MUC3A: variants seen among roughly 807,000 people sequenced by gnomAD.
MUC3A encodes mucin 3A, cell surface associated.
MUC3A carries 109 observed loss-of-function variants against 109.0 expected under a neutral mutation model. The observed-to-expected ratio is 1.00, with a 90% CI of 0.86 to 1.17. The LOEUF (loss-of-function observed/expected upper bound fraction) is 1.17, where lower values mean the gene tolerates loss of function less well. Among genes scored for constraint, MUC3A ranks in the 50% most tolerant of loss-of-function variants. The pLI, the probability that MUC3A is intolerant of heterozygous loss-of-function variation, is 0.00. For synonymous variants in MUC3A, 1,398 were observed against 981.4 expected, an observed-to-expected ratio of 1.42 and a Z score of -7.93; for missense variants, 3,537 against 2,469.4, an observed-to-expected ratio of 1.43 and a Z score of -9.16.
chr7:100,961,086 C>T (rs1478900633), intron 3 of MUC3A, 149 bp downstream of exon 3: 9 of 1,516,792 alleles, frequency 5.9e-6, no homozygotes, highest in Middle Eastern at 1.8e-4. Flanking sequence ...CCTCCGCTGC[C>T]CTGTGTCATG....
Position 100,960,225 on chromosome 7 carries a change from C to A in MUC3A, c.8446C>A (p.Pro2816Thr), listed in dbSNP as rs763050833. Reference protein sequence around the residue: ...FPFTTEMVTCPTSISIQTTLT... With the variant: ...FPFTTEMVTCTTSISIQTTLT... ...CTTTACTACCGAAATGGTCACCTGT[C>A]CTACCTCCATCAGTATCCAAACTAC... is the stretch of plus-strand genomic sequence containing the variant. Residue 2816 changes from proline (P) to threonine (T), a missense_variant, in exon 2 of 12, where the codon CCT becomes ACT. Transcript: ENST00000379458. 1 of 1,598,078 alleles carries A rather than the reference C, an allele frequency of 6.3e-7. No individual in the cohort carries two copies. Among genetic ancestry groups the A allele is most frequent in the South Asian group, 1.1e-5 (1 of 91,048 alleles).
intron 10 of MUC3A, 60 bp downstream of exon 10, chr7:100,966,803 G>A (rs1209165413): frequency 6.3e-7 from 1 of 1,598,450 alleles, no homozygotes; most frequent in Non-Finnish European, 8.5e-7. Flanking sequence ...TGCGAGGACA[G>A]ACGCCCTCCC....
Position 100,966,454 on chromosome 7 carries a change from TG to T in MUC3A, c.9682del (p.Val3228SerfsTer4). 7.4e-7 allele frequency: 1 copy of T among 1,346,184 alleles called. No individual in the cohort carries two copies. Among genetic ancestry groups the T allele is most frequent in the Non-Finnish European group, 9.5e-7 (1 of 1,056,840 alleles). 83.4% of individuals were successfully genotyped at this position (1,346,184 alleles called of 1,614,324 possible). ...RCEVAVHWRA[L>X]VGGLTAGAAL... ...GAGGTGGCCGTCCACTGGAGGGCGC[TG>T]GTCGGGGGCCTGACGGCCGGCGCCG... On this transcript the variant is annotated frameshift_variant, in exon 9 of 12. Coordinates refer to ENST00000379458, the MANE Select transcript of MUC3A (RefSeq NM_005960.2). LOFTEE classifies it high-confidence loss of function.
chr7:100,963,002 T>C (rs1354823815), intron 3 of MUC3A, 149 bp from the exon 4 acceptor site: 11 of 821,020 alleles, frequency 1.3e-5, no homozygotes, highest in Admixed American at 2.5e-5. Flanking sequence ...CATCCTGGAA[T>C]TCCTACATCT....
chr7:100,961,033 G>T, intron 3 of MUC3A, 96 bp downstream of exon 3: 2 of 1,578,646 alleles, frequency 1.3e-6, no homozygotes, highest in Non-Finnish European at 8.5e-7. Context: ...AGGCACCCAT[G>T]CCTTTTTGCC....
Position 100,964,711 on chromosome 7 carries a change from G to T in MUC3A, c.9250G>T (p.Val3084Leu). Residue 3084 changes from valine to leucine, a missense_variant, in exon 6 of 12, where the codon GTG becomes TTG. Physicochemically the swap from Val to Leu is conservative, Grantham distance 32. Coordinates refer to ENST00000379458, the MANE Select transcript of MUC3A (RefSeq NM_005960.2). Reference sequence around the variant, plus strand: ...ACCCCTCAGGAATGGCAGCATCGTGGTGGACTACCTGGTCCTGCTGGAGAT... The same window carrying T: ...ACCCCTCAGGAATGGCAGCATCGTGTTGGACTACCTGGTCCTGCTGGAGAT... The part of the protein sequence containing the change: ...ILSLRNGSIV[V>L]DYLVLLEMPF... The T allele has an allele frequency of 6.3e-7, 1 of 1,598,350 alleles. No homozygotes were observed. Among genetic ancestry groups the T allele is most frequent in the Non-Finnish European group, 8.5e-7 (1 of 1,179,678 alleles).
rs28420153 is a variant in MUC3A at position 100,960,905 on chromosome 7, G to C, written c.9020G>C (p.Ser3007Thr). The change falls in exon 3 of 12, where the codon AGT (serine) becomes ACT (threonine). Residue 3007 changes from serine (S) to threonine (T), a missense_variant. By Grantham distance (58) the Ser-to-Thr change is moderately conservative. Coordinates refer to ENST00000379458, the MANE Select transcript of MUC3A (RefSeq NM_005960.2). ...TGCCCCAGCACCTTCTATGGTTCCA[G>C]TTGTGAGTTTGCTGTGGAACAGGTG... ...CQCPSTFYGS[S>T]CEFAVEQVDL... The C allele has an allele frequency of 6.3e-7, 1 of 1,598,412 alleles. No homozygotes were observed. Among genetic ancestry groups the C allele is most frequent in the Non-Finnish European group, 8.5e-7 (1 of 1,179,818 alleles).
At chr7:100,963,077 TTG>T in intron 3 of MUC3A, 72 bp from the exon 4 acceptor site, 1 of 1,496,644 alleles carries the variant, frequency 6.7e-7, no homozygotes, top group Non-Finnish European at 9.0e-7. Flanking sequence ...AGCCTGTGGG[TTG>T]GGGTGGTGGT....
rs1792147664 is a variant in MUC3A, at chr7:100,958,028, CGA to C, written c.6252_6253del (p.Glu2084AspfsTer17). 5.7e-6 allele frequency: 1 copy of C among 176,434 alleles called. No individual in the cohort carries two copies. The highest frequency in any genetic ancestry group is 8.4e-6 in the Non-Finnish European group (1 of 119,020). 10.9% of individuals were successfully genotyped at this position (176,434 alleles called of 1,614,324 possible). On this transcript the variant is annotated frameshift_variant, in exon 2 of 12. Transcript: ENST00000379458. LOFTEE classifies it high-confidence loss of function. ...GCTACACTACCTCAATCACCACCAC[CGA>C]GACCCCCTCACACAGTACTCTCAGC... ...LSYTTSITTT[E>X]TPSHSTLSFT...
At position 100,960,580 on chromosome 7, in the gene MUC3A, C is replaced by T. The variant is rs1400417661; in HGVS notation, c.8801C>T (p.Thr2934Ile). The stretch of plus-strand genomic sequence containing the variant: ...ACTACCCAGACTCCTACCACCCTTA[C>T]ATCACGCAGGACAACTCGCATCACT... ...VATTQTPTTL[T>I]SRRTTRITSQ... Residue 2934 changes from threonine to isoleucine, a missense_variant, in exon 2 of 12, where the codon ACA becomes ATA. Thr to Ile is a moderately conservative substitution (Grantham distance 89). Coordinates refer to ENST00000379458, the MANE Select transcript of MUC3A (RefSeq NM_005960.2). 3 of 1,598,616 alleles carry T rather than the reference C, an allele frequency of 1.9e-6. No individual in the cohort carries two copies. Among genetic ancestry groups the T allele is most frequent in the Admixed American group, 1.7e-5 (1 of 60,012 alleles).
chr7:100,963,273 G>T lies in MUC3A; in HGVS notation c.9168+7G>T. ...CAAGACCTTCTGGAATCAGGTAAAG[G>T]GCAAAGAGAGGGGATTTTTTTTTTT... On this transcript the variant is annotated splice_region_variant and intron_variant, in intron 4 of 11. Coordinates refer to ENST00000379458, the MANE Select transcript of MUC3A (RefSeq NM_005960.2). The T allele has an allele frequency of 6.3e-7, 1 of 1,582,214 alleles. No homozygotes were observed. The highest frequency in any genetic ancestry group is 8.5e-7 in the Non-Finnish European group (1 of 1,173,372).
chr7:100,960,433 G>C lies in MUC3A; in HGVS notation c.8654G>C (p.Gly2885Ala), dbSNP rs1177133805. The C allele has an allele frequency of 6.3e-7, 1 of 1,598,582 alleles. No homozygotes were observed. The highest frequency in any genetic ancestry group is 1.7e-5 in the Admixed American group (1 of 60,028). ...NSSVIPLPLPGVSTIPLTMKP... is the reference protein window; with the variant it reads ...NSSVIPLPLPAVSTIPLTMKP... ...TCTGTGATCCCCCTACCTCTTCCTG[G>C]CGTCTCTACCATCCCGCTCACCATG... Residue 2885 changes from glycine (G) to alanine (A), a missense_variant, in exon 2 of 12, where the codon GGC becomes GCC. Gly to Ala is a moderately conservative substitution (Grantham distance 60). Transcript: ENST00000379458.
In MUC3A at chr7:100,953,006, CA is replaced by C; in HGVS notation, c.1228del (p.Thr410GlnfsTer20). The C allele has an allele frequency of 6.3e-7, 1 of 1,583,846 alleles. No individual in the cohort carries two copies. The highest frequency in any genetic ancestry group is 8.6e-7 in the Non-Finnish European group (1 of 1,166,380). ...GCTTCTCTTCATCAACCATCTACTC[CA>C]CAGTCAGCACATCCACAACTGCCAT... ...PSFSSSTIYSTVSTSTTAISS... is the reference protein window; with the variant it reads ...PSFSSSTIYSXVSTSTTAISS... On this transcript the variant is annotated frameshift_variant, in exon 2 of 12. Coordinates refer to ENST00000379458, the MANE Select transcript of MUC3A (RefSeq NM_005960.2). LOFTEE classifies it high-confidence loss of function.
At position 100,958,171 on chromosome 7, in the gene MUC3A, T is replaced by A. The variant is rs1792151895; in HGVS notation, c.6392T>A (p.Ile2131Asn). ...AGTACTCCCAGCTTCACTTCTTCGA[T>A]CACCACCACTGAGAACGCCACACAC... ...SHSTPSFTSS[I>N]TTTENATHST... The change falls in exon 2 of 12, where the codon ATC becomes AAC. Residue 2131 changes from isoleucine (I) to asparagine (N), a missense_variant. Coordinates refer to ENST00000379458, the MANE Select transcript of MUC3A (RefSeq NM_005960.2). 5 of 1,166,718 alleles carry A rather than the reference T, an allele frequency of 4.3e-6. No individual in the cohort carries two copies. The highest frequency in any genetic ancestry group is 6.3e-6 in the Non-Finnish European group (5 of 797,742). The allele number at this position is 1,166,718 out of a possible 1,614,324, so 72.3% of individuals were successfully genotyped here.
In MUC3A at chr7:100,966,470, G is replaced by A. The variant is rs1171099552; in HGVS notation, c.9696G>A (p.Thr3232=). 1.5e-6 allele frequency: 2 copies of A among 1,331,206 alleles called. No homozygotes were observed. Among genetic ancestry groups the A allele is most frequent in the Admixed American group, 3.3e-5 (1 of 30,466 alleles). 82.5% of individuals were successfully genotyped at this position (1,331,206 alleles called of 1,614,324 possible). A position where few individuals can be genotyped will look rare whatever the true frequency, so the allele number is the denominator to read the frequency against. The stretch of plus-strand genomic sequence containing the variant: ...GGAGGGCGCTGGTCGGGGGCCTGAC[G>A]GCCGGCGCCGCGCTGCTGGTGCTGC... ...VHWRALVGGL[T]AGAALLVLLL... The change falls in exon 9 of 12, where the codon ACG becomes ACA. Residue 3232 remains threonine, a synonymous_variant. Coordinates refer to ENST00000379458, the MANE Select transcript of MUC3A (RefSeq NM_005960.2).
In MUC3A at chr7:100,958,672, A is replaced by G. The variant is rs1584803822; in HGVS notation, c.6893A>G (p.Lys2298Arg). The G allele has an allele frequency of 6.3e-7, 1 of 1,587,440 alleles. No individual in the cohort carries two copies. Among genetic ancestry groups the G allele is most frequent in the Non-Finnish European group, 8.5e-7 (1 of 1,172,278 alleles). ...TCCACTTCTTTAATCACCACCACCA[A>G]GACCACCTCACACAGTACTCCCAGC... is the stretch of plus-strand genomic sequence containing the variant. ...PSSTSLITTT[K>R]TTSHSTPSFT... is the part of the protein sequence containing the mutation. Residue 2298 changes from lysine (K) to arginine (R), a missense_variant, in exon 2 of 12, where the codon AAG (lysine) becomes AGG (arginine). Transcript: ENST00000379458.
chr7:100,955,880 T>C lies in MUC3A; in HGVS notation c.4101T>C (p.Thr1367=), dbSNP rs1048628679. 819 of 469,526 alleles carry C rather than the reference T, an allele frequency of 1.7e-3. No individual in the cohort carries two copies. Among genetic ancestry groups the C allele is most frequent in the African/African-American group, 0.015 (742 of 50,124 alleles). The allele number at this position is 469,526 out of a possible 1,614,324, so 29.1% of individuals were successfully genotyped here. The part of the protein sequence containing the change: ...TATFLETTTL[T]PTTDFSTESL... ...CATTCCTTGAGACCACCACACTGAC[T>C]CCTACAACTGACTTTTCTACAGAAT... The change falls in exon 2 of 12, where the codon ACT becomes ACC. Residue 1367 remains threonine (T), a synonymous_variant. Transcript: ENST00000379458.
rs1199074826 is a variant in MUC3A, at chr7:100,956,123, A to G, written c.4344A>G (p.Thr1448=). 2 of 438,912 alleles carry G rather than the reference A, an allele frequency of 4.6e-6. No homozygotes were observed. The highest frequency in any genetic ancestry group is 7.2e-5 in the South Asian group (1 of 13,866). 27.2% of individuals were successfully genotyped at this position (438,912 alleles called of 1,614,324 possible). A position where few individuals can be genotyped will look rare whatever the true frequency, so the allele number is the denominator to read the frequency against. Residue 1448 remains threonine, a synonymous_variant, in exon 2 of 12, where the codon ACA becomes ACG. Transcript: ENST00000379458. ...ATCCTGTATCCACGTTGGTGACTAC[A>G]CTCCCCATTACCATCACCAGGTCTA... The part of the protein sequence containing the change: ...NTNPVSTLVT[T]LPITITRSTL...
At position 100,967,350 on chromosome 7, in the gene MUC3A, C is replaced by A; in HGVS notation, c.*188C>A. 1 of 877,794 alleles carries A rather than the reference C, an allele frequency of 1.1e-6. No individual in the cohort carries two copies. The highest frequency in any genetic ancestry group is 1.7e-6 in the Non-Finnish European group (1 of 579,774). The allele number at this position is 877,794 out of a possible 1,614,324, so 54.4% of individuals were successfully genotyped here. A position where few individuals can be genotyped will look rare whatever the true frequency, so the allele number is the denominator to read the frequency against. ...CTTGGCTGAAACCCACCTGGAGACGCAGTTCACGTCCAGGCTCTTCCACTG... is the reference window on the plus strand; with the variant it reads ...CTTGGCTGAAACCCACCTGGAGACGAAGTTCACGTCCAGGCTCTTCCACTG... On this transcript the variant is annotated 3_prime_UTR_variant, in exon 12 of 12. Transcript: ENST00000379458.
Sources: allele counts gnomAD v4.1 joint callset, GRCh38; gene constraint gnomAD v4.1.1; transcripts MANE v1.5; gene names NCBI Gene and HGNC (gene_info 2026-07-23, HGNC 2026-07-21).